The following LRIT3 variants were observed in gnomAD, a reference collection of about 807,000 sequenced individuals.
LRIT3 encodes the protein leucine rich repeat, Ig-like and transmembrane domains 3.
Under a neutral mutation model 22.6 loss-of-function variants are expected in LRIT3, and 14 were observed. That is an observed-to-expected ratio of 0.62 (90% CI 0.41 to 0.97). The LOEUF is 0.97. Ranked by LOEUF, LRIT3 falls within the 50% of genes least tolerant of loss-of-function variation. The pLI is 0.00. For missense variants in LRIT3, 783 were observed against 803.0 expected (o/e 0.98, Z 0.30); for synonymous variants, 306 against 304.5 (o/e 1.01, Z -0.05).
chr4:109,860,092 A>G (rs947025501), intron 2 of LRIT3, among the ~76,000 whole-genome samples: 3 of 152,226 alleles, frequency 2.0e-5, no homozygotes, highest in Non-Finnish European at 4.4e-5. Context: ...TTTGCAATGC[A>G]GGTAAATTTC....
rs751470431 is a variant in LRIT3, at chr4:109,867,872, G to A, written c.821G>A (p.Arg274Gln). 29 of 1,613,912 alleles carry A rather than the reference G, an allele frequency of 1.8e-5. No individual in the cohort carries two copies. The highest frequency in any genetic ancestry group is 2.0e-5 in the Non-Finnish European group (24 of 1,179,994). ...GCTCTGGGCAGTAATGTTCTACTGCGGTGTGATGCCACTGGCTTCCCCACC... is the reference window on the plus strand; with the variant it reads ...GCTCTGGGCAGTAATGTTCTACTGCAGTGTGATGCCACTGGCTTCCCCACC... ...MSALGSNVLL[R>Q]CDATGFPTPQ... Residue 274 changes from arginine (R) to glutamine (Q), a missense_variant, in exon 3 of 4, where the codon CGG becomes CAG. By Grantham distance (43) the Arg-to-Gln change is conservative (BLOSUM62 1). Around this residue, in one of 2 missense-constraint regions of LRIT3, gnomAD observed 756 missense variants for 753.8 expected, o/e 1.00. Transcript: ENST00000594814.
Position 109,869,868 on chromosome 4 carries a change from T to G in LRIT3, c.1119T>G (p.Ser373=). ...CTGAGTGGGATGTCCAGCCGGGATC[T>G]GGAAGATCTACATCTGTATCTAGCG... ...DHPEWDVQPG[S]GRSTSVSSAS... The change falls in exon 4 of 4, where the codon TCT becomes TCG. Residue 373 remains serine, a synonymous_variant. Coordinates refer to ENST00000594814, the MANE Select transcript of LRIT3 (RefSeq NM_198506.5). The G allele has an allele frequency of 6.2e-7, 1 of 1,614,084 alleles. No homozygotes were observed. The highest frequency in any genetic ancestry group is 8.5e-7 in the Non-Finnish European group (1 of 1,179,994).
intron 1 of LRIT3, among the ~76,000 whole-genome samples, chr4:109,848,793 A>G (rs1734138409): frequency 6.6e-6 from 1 of 152,188 alleles, no homozygotes; most frequent in Non-Finnish European, 1.5e-5. Flanking sequence ...TAGAGAGGTT[A>G]ATAGTTAGAA....
intron 2 of LRIT3, among the ~76,000 whole-genome samples, chr4:109,861,472 CA>C (rs1401294904): frequency 2.7e-5 from 4 of 150,366 alleles, no homozygotes; most frequent in African/African-American, 7.3e-5. Context: ...ATATCCTCAC[CA>C]ACACTTAATG....
chr4:109,850,532 A>C (rs1734227749), intron 1 of LRIT3, among the ~76,000 whole-genome samples: 1 of 149,054 alleles, frequency 6.7e-6, no homozygotes, highest in South Asian at 2.1e-4. Flanking sequence ...GCTGGAGTGC[A>C]GTGGCGTGAT....
rs552871960 is a variant in LRIT3, at chr4:109,864,101, G to A, written c.590-3540G>A. On this transcript the variant is annotated intron_variant, in intron 2 of 3. Coordinates refer to ENST00000594814, the MANE Select transcript of LRIT3 (RefSeq NM_198506.5). ...AATCTTAAAATTAAATAATAAAATA[G>A]CTATGATGAGCATAGCTTTTATATA... Among the ~76,000 whole-genome samples the A allele has an allele frequency of 3.3e-5, 5 of 152,138 alleles. No individual in the cohort carries two copies. In the East Asian group the frequency reaches 7.7e-4, roughly 23 times the overall value.
rs1337172117 is a variant in LRIT3 at position 109,869,622 on chromosome 4, A to AC, written c.896-22dup. On this transcript the variant is annotated intron_variant, in intron 3 of 3. Transcript: ENST00000594814. ...TGAATTTTCTTTTTGTTCCTCACAG[A>AC]CTATACATTTGTTTTCTTCCAGTAA... 5 of 1,523,640 alleles carry AC rather than the reference A, an allele frequency of 3.3e-6. No individual in the cohort carries two copies. In the African/African-American group the frequency reaches 7.0e-5, roughly 21 times the overall value. The allele number at this position is 1,523,640 out of a possible 1,614,324, so 94.4% of individuals were successfully genotyped here.
At chr4:109,863,594 C>G (rs1218313893) in intron 2 of LRIT3, among the ~76,000 whole-genome samples, 5 of 152,150 alleles carry the variant, frequency 3.3e-5, no homozygotes, top group Non-Finnish European at 7.3e-5. Flanking sequence ...AAGAGAACAG[C>G]TTTGGAGGTA....
At chr4:109,868,496 G>T (rs1734739822) in intron 3 of LRIT3, among the ~76,000 whole-genome samples, 1 of 149,150 alleles carries the variant, frequency 6.7e-6, no homozygotes, top group Middle Eastern at 3.4e-3. Context: ...GCTTGAATTT[G>T]GGGGGTGGAG....
At chr4:109,868,052 T>C in intron 3 of LRIT3, 106 bp downstream of exon 3, 1 of 1,175,010 alleles carries the variant, frequency 8.5e-7, no homozygotes, top group Non-Finnish European at 1.2e-6. Context: ...AATAAAATAT[T>C]TCAAGATTAT....
rs1455507159 is a variant in LRIT3 at position 109,871,220 on chromosome 4, C to G, written c.*431C>G. The G allele has an allele frequency of 6.5e-6, 1 of 154,290 alleles. No homozygotes were observed. The highest frequency in any genetic ancestry group is 1.4e-5 in the Non-Finnish European group (1 of 69,580). 9.6% of individuals were successfully genotyped at this position (154,290 alleles called of 1,614,324 possible). A position where few individuals can be genotyped will look rare whatever the true frequency, so the allele number is the denominator to read the frequency against. ...TTGCTGTGGATGTTTTCTGACATTG[C>G]CTAATGGAGAGCGTGGGATCATAAA... On this transcript the variant is annotated 3_prime_UTR_variant, in exon 4 of 4. Transcript: ENST00000594814.
chr4:109,849,749 A>C (rs1467723174), intron 1 of LRIT3, among the ~76,000 whole-genome samples: 1 of 152,202 alleles, frequency 6.6e-6, no homozygotes, highest in African/African-American at 2.4e-5. Flanking sequence ...AGGAGCTGGG[A>C]TTACAGGCGT....
At position 109,851,967 on chromosome 4, in the gene LRIT3, A is replaced by T. The variant is rs971626293; in HGVS notation, c.580A>T (p.Ile194Phe). 6.5e-7 allele frequency: 1 copy of T among 1,542,254 alleles called. No homozygotes were observed. Among genetic ancestry groups the T allele is most frequent in the African/African-American group, 1.4e-5 (1 of 72,406 alleles). Reference protein sequence around the residue: ...SGVLDLSPSRIILGLQDNPWF... With the variant: ...SGVLDLSPSRFILGLQDNPWF... ...AGTCCTGGACCTTTCCCCAAGCAGGATTATTCTTGGTAAGCTCGCAAGCCT... is the reference window on the plus strand; with the variant it reads ...AGTCCTGGACCTTTCCCCAAGCAGGTTTATTCTTGGTAAGCTCGCAAGCCT... Residue 194 changes from isoleucine (I) to phenylalanine (F), a missense_variant, in exon 2 of 4, where the codon ATT becomes TTT. Coordinates refer to ENST00000594814, the MANE Select transcript of LRIT3 (RefSeq NM_198506.5).
intron 3 of LRIT3, 82 bp from the exon 4 acceptor site, chr4:109,869,563 G>A (rs1390671045): frequency 3.0e-6 from 4 of 1,331,778 alleles, no homozygotes; most frequent in Non-Finnish European, 3.1e-6. Context: ...ATGTAGAGTG[G>A]ATAGTTGTTT....
rs1392894738 is a variant in LRIT3 at position 109,871,324 on chromosome 4, A to G, written c.*535A>G. ...TCTCTTGGTACCATTATGCATTGTG[A>G]TACTATAGAGTTGTGTTCATATTTC... On this transcript the variant is annotated 3_prime_UTR_variant, in exon 4 of 4. Coordinates refer to ENST00000594814, the MANE Select transcript of LRIT3 (RefSeq NM_198506.5). 2 of 152,384 alleles carry G rather than the reference A, an allele frequency of 1.3e-5. No individual in the cohort carries two copies. The highest frequency in any genetic ancestry group is 1.9e-4 in the East Asian group (1 of 5,202). The allele number at this position is 152,384 out of a possible 1,614,324, so 9.4% of individuals were successfully genotyped here.
chr4:109,857,473 A>G (rs1734431781), intron 2 of LRIT3, among the ~76,000 whole-genome samples: 1 of 152,098 alleles, frequency 6.6e-6, no homozygotes, highest in African/African-American at 2.4e-5. Context: ...TTTACTTATA[A>G]CCCTTTCTCC....
In LRIT3 at chr4:109,867,955, T is replaced by G. The variant is rs1370555788; in HGVS notation, c.895+9T>G. 1 of 1,601,250 alleles carries G rather than the reference T, an allele frequency of 6.2e-7. No individual in the cohort carries two copies. The highest frequency in any genetic ancestry group is 8.5e-7 in the Non-Finnish European group (1 of 1,171,974). ...GCCAGTTAATTATACAGGTATTTTC[T>G]TAATTCAGCCCCATGATCAAAGGAG... On this transcript the variant is annotated intron_variant, in intron 3 of 3. Coordinates refer to ENST00000594814, the MANE Select transcript of LRIT3 (RefSeq NM_198506.5).
In LRIT3 at chr4:109,858,935, C is replaced by T. The variant is rs140377136; in HGVS notation, c.589+6959C>T. 4.0e-3 allele frequency among the ~76,000 whole-genome samples: 602 copies of T among 152,258 alleles called. 4 individuals carry two copies. Among genetic ancestry groups the T allele is most frequent in the African/African-American group, 0.013 (523 of 41,546 alleles). The stretch of plus-strand genomic sequence containing the variant: ...TGAGCTCACTAGGAATTCCCATAAC[C>T]GCAAAACATGAAAACATATGTTTTT... On this transcript the variant is annotated intron_variant, in intron 2 of 3. Coordinates refer to ENST00000594814, the MANE Select transcript of LRIT3 (RefSeq NM_198506.5).
intron 1 of LRIT3, chr4:109,851,281 T>G: frequency 3.7e-6 from 2 of 543,910 alleles, no homozygotes; most frequent in Non-Finnish European, 6.5e-6. Context: ...AAAATGAGGT[T>G]GAGACACTGG....
Sources: gnomAD v4.1 joint callset for allele counts (sites outside exome capture counted in the v4.1 genomes callset) on GRCh38, gnomAD v4.1.1 for gene constraint, gnomAD v4.1.1 regional missense constraint, MANE v1.5 for transcripts, NCBI Gene and HGNC (gene_info 2026-07-23, HGNC 2026-07-21) for gene names.